MAGEB2: variants seen among roughly 807,000 people sequenced by gnomAD.
The protein encoded by MAGEB2 is melanoma-associated antigen B2.
For missense variants in MAGEB2, 365 were observed against 243.2 expected, an observed-to-expected ratio of 1.50 and a Z score of -3.33; for synonymous variants, 107 against 96.2, an observed-to-expected ratio of 1.11 and a Z score of -0.66.
rs1924497055 is a variant in MAGEB2 at position 30,219,238 on chromosome X, G to A, written c.658G>A (p.Glu220Lys). 3.3e-6 allele frequency: 4 copies of A among 1,211,572 alleles called. No individual in the cohort carries two copies. Among genetic ancestry groups the A allele is most frequent in the South Asian group, 1.8e-5 (1 of 56,914 alleles). The change falls in exon 2 of 2, where the codon GAG becomes AAG. Residue 220 changes from glutamate to lysine, a missense_variant. Transcript: ENST00000378988. ...VIFLNGNSAT[E>K]EEIWEFLNML... The stretch of plus-strand genomic sequence containing the variant: ...CTTCTTAAATGGCAACTCAGCTACT[G>A]AGGAAGAGATCTGGGAATTCCTGAA...
Position 30,219,180 on chromosome X carries a change from G to C in MAGEB2, c.600G>C (p.Arg200Ser). The C allele has an allele frequency of 8.3e-7, 1 of 1,210,922 alleles. No homozygotes were observed. The highest frequency in any genetic ancestry group is 1.7e-5 in the African/African-American group (1 of 57,741). Residue 200 changes from arginine to serine, a missense_variant, in exon 2 of 2, where the codon AGG becomes AGC. Coordinates refer to ENST00000378988, the MANE Select transcript of MAGEB2 (RefSeq NM_002364.5). ...ESLLSSWDFP[R>S]RKLLMPLLGV... ...TGCTCAGTTCCTGGGACTTTCCCAG[G>C]AGAAAGCTTCTGATGCCTCTCCTGG...
Position 30,219,176 on chromosome X carries a change from C to T in MAGEB2, c.596C>T (p.Pro199Leu), listed in dbSNP as rs1924492757. ...TCCCTGCTCAGTTCCTGGGACTTTC[C>T]CAGGAGAAAGCTTCTGATGCCTCTC... The part of the protein sequence containing the change: ...EESLLSSWDF[P>L]RRKLLMPLLG... The change falls in exon 2 of 2, where the codon CCC (proline) becomes CTC (leucine). Residue 199 changes from proline to leucine, a missense_variant. By Grantham distance (98) the Pro-to-Leu change is moderately conservative. Coordinates refer to ENST00000378988, the MANE Select transcript of MAGEB2 (RefSeq NM_002364.5). The T allele has an allele frequency of 8.3e-7, 1 of 1,210,483 alleles. No individual in the cohort carries two copies. Among genetic ancestry groups the T allele is most frequent in the Non-Finnish European group, 1.1e-6 (1 of 894,930 alleles).
Position 30,219,027 on chromosome X carries a change from C to T in MAGEB2, c.447C>T (p.Phe149=). 8.3e-7 allele frequency: 1 copy of T among 1,211,089 alleles called. No individual in the cohort carries two copies. The highest frequency in any genetic ancestry group is 1.1e-6 in the Non-Finnish European group (1 of 895,150). The change falls in exon 2 of 2, where the codon TTC becomes TTT. Residue 149 remains phenylalanine (F), a synonymous_variant. Transcript: ENST00000378988. ...KIVGKRFREH[F]PEILKKASEG... is the part of the protein sequence containing the mutation. ...TTGGCAAAAGGTTCAGGGAGCACTTCCCTGAGATCCTCAAGAAAGCCTCTG... is the reference window on the plus strand; with the variant it reads ...TTGGCAAAAGGTTCAGGGAGCACTTTCCTGAGATCCTCAAGAAAGCCTCTG...
rs1425519413 is a variant in MAGEB2, at chrX:30,219,320, T to C, written c.740T>C (p.Leu247Pro). 2 of 1,211,322 alleles carry C rather than the reference T, an allele frequency of 1.7e-6. No homozygotes were observed. The highest frequency in any genetic ancestry group is 2.2e-6 in the Non-Finnish European group (2 of 895,065). Residue 247 changes from leucine (L) to proline (P), a missense_variant, in exon 2 of 2, where the codon CTC becomes CCC. Physicochemically the swap from Leu to Pro is moderately conservative, Grantham distance 98. Coordinates refer to ENST00000378988, the MANE Select transcript of MAGEB2 (RefSeq NM_002364.5). Reference sequence around the variant, plus strand: ...TCAGTCTTTGGGGAACCCTGGAAGCTCATCACCAAAGATCTGGTGCAGGAA... The same window carrying C: ...TCAGTCTTTGGGGAACCCTGGAAGCCCATCACCAAAGATCTGGTGCAGGAA... The part of the protein sequence containing the change: ...EHSVFGEPWK[L>P]ITKDLVQEKY...
Position 30,220,044 on chromosome X carries a change from TTA to T in MAGEB2, c.*506_*507del, listed in dbSNP as rs1924528769. 1 of 123,833 alleles carries T rather than the reference TTA, an allele frequency of 8.1e-6. No homozygotes were observed. The highest frequency in any genetic ancestry group is 3.2e-5 in the African/African-American group (1 of 30,874). 10.2% of individuals were successfully genotyped at this position (123,833 alleles called of 1,213,427 possible). A position where few individuals can be genotyped will look rare whatever the true frequency, so the allele number is the denominator to read the frequency against. Reference sequence around the variant, plus strand: ...CATAAAGATACATACCTGGATTTGTTTATGTTATTCAAGAATGTGTGAGAAAT... The same window carrying T: ...CATAAAGATACATACCTGGATTTGTTTGTTATTCAAGAATGTGTGAGAAAT... On this transcript the variant is annotated 3_prime_UTR_variant, in exon 2 of 2. Coordinates refer to ENST00000378988, the MANE Select transcript of MAGEB2 (RefSeq NM_002364.5).
chrX:30,218,954 A>T lies in MAGEB2; in HGVS notation c.374A>T (p.Lys125Met). ...TCGTTGGTGCAGTTCCTGTTGTACA[A>T]GTATAAAATAAAAAAGTCCGTTACA... ...SGSLVQFLLY[K>M]YKIKKSVTKG... is the part of the protein sequence containing the mutation. Residue 125 changes from lysine to methionine, a missense_variant, in exon 2 of 2, where the codon AAG becomes ATG. Transcript: ENST00000378988. 2.5e-6 allele frequency: 3 copies of T among 1,210,359 alleles called. No homozygotes were observed. The highest frequency in any genetic ancestry group is 3.4e-6 in the Non-Finnish European group (3 of 894,645).
In MAGEB2 at chrX:30,218,925, A is replaced by T; in HGVS notation, c.345A>T (p.Ser115=). The change falls in exon 2 of 2, where the codon TCA becomes TCT. Residue 115 remains serine (S), a synonymous_variant. Transcript: ENST00000378988. ...GCGAAGATCCTCTAACCAGGAAGTCAGGGTCGTTGGTGCAGTTCCTGTTGT... is the reference window on the plus strand; with the variant it reads ...GCGAAGATCCTCTAACCAGGAAGTCTGGGTCGTTGGTGCAGTTCCTGTTGT... The part of the protein sequence containing the change: ...SPSEDPLTRK[S]GSLVQFLLYK... 2 of 1,211,034 alleles carry T rather than the reference A, an allele frequency of 1.7e-6. No individual in the cohort carries two copies. Among genetic ancestry groups the T allele is most frequent in the Non-Finnish European group, 2.2e-6 (2 of 894,894 alleles).
At position 30,218,562 on chromosome X, in the gene MAGEB2, C is replaced by T. The variant is rs777044216; in HGVS notation, c.-5-14C>T. 1.0e-5 allele frequency: 12 copies of T among 1,186,864 alleles called. No homozygotes were observed. In the South Asian group the frequency reaches 2.3e-4, roughly 22 times the overall value. On this transcript the variant is annotated splice_polypyrimidine_tract_variant and intron_variant, in intron 1 of 1. Transcript: ENST00000378988. ...ACCATCTATTCTTCTGCCCACATTT[C>T]TTGGTTTACCCAGCCATCATGCCTC...
intron 1 of MAGEB2, among the ~76,000 whole-genome samples, chrX:30,216,970 C>G (rs1227109731): frequency 9.3e-6 from 1 of 107,965 alleles, no homozygotes; most frequent in Non-Finnish European, 1.9e-5. Context: ...AGAACTCTGA[C>G]GACTGCAGGG....
At chrX:30,218,039 G>T (rs1470327352) in intron 1 of MAGEB2, among the ~76,000 whole-genome samples, 1 of 111,586 alleles carries the variant, frequency 9.0e-6, no homozygotes, top group Non-Finnish European at 1.9e-5. Context: ...CCTTGAATGA[G>T]AGCTGAAGAC....
rs1350678788 is a variant in MAGEB2, at chrX:30,219,782, T to C, written c.*242T>C. 3 of 287,931 alleles carry C rather than the reference T, an allele frequency of 1.0e-5. No homozygotes were observed. Among genetic ancestry groups the C allele is most frequent in the Non-Finnish European group, 1.3e-5 (2 of 157,300 alleles). The allele number at this position is 287,931 out of a possible 1,213,427, so 23.7% of individuals were successfully genotyped here. On this transcript the variant is annotated 3_prime_UTR_variant, in exon 2 of 2. Transcript: ENST00000378988. Reference sequence around the variant, plus strand: ...TCAGAATGTAAATTTACAAATGATATAGATCACCCTGTTATTGCTGTTTTT... The same window carrying C: ...TCAGAATGTAAATTTACAAATGATACAGATCACCCTGTTATTGCTGTTTTT...
In MAGEB2 at chrX:30,216,741, G is replaced by A. The variant is rs192753832; in HGVS notation, c.-6+1086G>A. On this transcript the variant is annotated intron_variant, in intron 1 of 1. Coordinates refer to ENST00000378988, the MANE Select transcript of MAGEB2 (RefSeq NM_002364.5). ...TAAAAATACCAAAAAAAAAATTAGC[G>A]GGGAGCGGTGGCGGGCGCCTGTAAT... 4.4e-3 allele frequency among the ~76,000 whole-genome samples: 484 copies of A among 109,554 alleles called. 2 individuals are homozygous for A. Among genetic ancestry groups the A allele is most frequent in the South Asian group, 0.02 (49 of 2,481 alleles).
chrX:30,216,871 C>T (rs1924417858), intron 1 of MAGEB2, among the ~76,000 whole-genome samples: 1 of 74,881 alleles, frequency 1.3e-5, no homozygotes, highest in South Asian at 5.7e-4. Context: ...GGCGAAAGGG[C>T]GAGACTCCGT....
chrX:30,218,959 A>G lies in MAGEB2; in HGVS notation c.379A>G (p.Lys127Glu), dbSNP rs374368116. The change falls in exon 2 of 2, where the codon AAA (lysine) becomes GAA (glutamate). Residue 127 changes from lysine to glutamate, a missense_variant. Transcript: ENST00000378988. ...SLVQFLLYKY[K>E]IKKSVTKGEM... ...GGTGCAGTTCCTGTTGTACAAGTAT[A>G]AAATAAAAAAGTCCGTTACAAAGGG... The G allele has an allele frequency of 2.2e-5, 26 of 1,209,126 alleles. No individual in the cohort carries two copies. Among genetic ancestry groups the G allele is most frequent in the South Asian group, 1.4e-4 (8 of 56,451 alleles).
intron 1 of MAGEB2, among the ~76,000 whole-genome samples, chrX:30,218,191 G>A (rs1455915451): frequency 1.8e-5 from 2 of 112,128 alleles, no homozygotes; most frequent in Admixed American, 1.9e-4. Flanking sequence ...AGTAGCGGAA[G>A]GGAGTGGCTC....
rs772656322 is a variant in MAGEB2 at position 30,219,407 on chromosome X, G to A, written c.827G>A (p.Gly276Asp). The part of the protein sequence containing the change: ...SDPPRFQFLW[G>D]PRAYAETSKM... ...CCCCCACGCTTTCAATTCCTGTGGG[G>A]TCCGAGAGCCTATGCTGAAACCAGC... Residue 276 changes from glycine (G) to aspartate (D), a missense_variant, in exon 2 of 2, where the codon GGT becomes GAT. By Grantham distance (94) the Gly-to-Asp change is moderately conservative. Coordinates refer to ENST00000378988, the MANE Select transcript of MAGEB2 (RefSeq NM_002364.5). 2 of 1,210,130 alleles carry A rather than the reference G, an allele frequency of 1.7e-6. No individual in the cohort carries two copies. Among genetic ancestry groups the A allele is most frequent in the South Asian group, 3.5e-5 (2 of 56,808 alleles).
Position 30,219,129 on chromosome X carries a change from G to T in MAGEB2, c.549G>T (p.Lys183Asn), listed in dbSNP as rs1482087471. The change falls in exon 2 of 2, where the codon AAG becomes AAT. Residue 183 changes from lysine to asparagine, a missense_variant. By Grantham distance (94) the Lys-to-Asn change is moderately conservative. Transcript: ENST00000378988. ...PNGHTYTFIDKVDLTDEESLL... is the reference protein window; with the variant it reads ...PNGHTYTFIDNVDLTDEESLL... ...GCCACACTTACACCTTCATCGACAAGGTAGACCTCACTGATGAGGAATCCC... is the reference window on the plus strand; with the variant it reads ...GCCACACTTACACCTTCATCGACAATGTAGACCTCACTGATGAGGAATCCC... The T allele has an allele frequency of 7.4e-6, 9 of 1,210,723 alleles. No homozygotes were observed. Among genetic ancestry groups the T allele is most frequent in the Non-Finnish European group, 1.0e-5 (9 of 894,989 alleles).
Position 30,218,704 on chromosome X carries a change from TC to T in MAGEB2, c.126del (p.Ser43LeufsTer69). ...AGAGGAAGAAGAGGCCCCCTGCTGTTCCTCTTCTGTTTCTGGGGGTGCTGCT... is the reference window on the plus strand; with the variant it reads ...AGAGGAAGAAGAGGCCCCCTGCTGTTCTCTTCTGTTTCTGGGGGTGCTGCT... ...EAEEEEAPCCSSSVSGGAASS... is the reference protein window; with the variant it reads ...EAEEEEAPCCXSSVSGGAASS... On this transcript the variant is annotated frameshift_variant, in exon 2 of 2. Transcript: ENST00000378988. LOFTEE classifies it low-confidence loss of function (END_TRUNC). 3.3e-6 allele frequency: 4 copies of T among 1,203,513 alleles called. No individual in the cohort carries two copies. The highest frequency in any genetic ancestry group is 4.5e-6 in the Non-Finnish European group (4 of 890,598).
intron 1 of MAGEB2, among the ~76,000 whole-genome samples, chrX:30,218,236 A>G (rs1027179209): frequency 9.0e-6 from 1 of 111,728 alleles, no homozygotes; most frequent in African/African-American, 3.3e-5. Flanking sequence ...TAATCCTAAA[A>G]GTTAACTGAT....
Sources: allele counts gnomAD v4.1 joint callset (sites outside exome capture counted in the v4.1 genomes callset), GRCh38; gene constraint gnomAD v4.1.1; transcripts MANE v1.5; gene names NCBI Gene and HGNC (gene_info 2026-07-23, HGNC 2026-07-21).